Variants in NIPAL3 observed in about 807,000 individuals in gnomAD.
NIPAL3 encodes NIPA like domain containing 3, also known as NIPA-like protein 3.
In NIPAL3, 41 loss-of-function variants were observed where a neutral mutation model predicts 47.2. The ratio of observed to expected loss-of-function variants is 0.87; its 90% CI spans 0.68 to 1.13. NIPAL3 has a LOEUF of 1.13. NIPAL3 is among the 50% of genes most tolerant of loss of function. The probability of loss-of-function intolerance (pLI) is 0.00; values close to 1 mark genes in which losing one functional copy is unlikely to be tolerated. For synonymous variants in NIPAL3, 194 were observed against 209.6 expected, an observed-to-expected ratio of 0.93 and a Z score of 0.64; for missense variants, 449 against 530.1, an observed-to-expected ratio of 0.85 and a Z score of 1.50.
At chr1:24,463,941 C>A in intron 10 of NIPAL3, 85 bp from the exon 11 acceptor site, 1 of 1,202,196 alleles carries the variant, frequency 8.3e-7, no homozygotes, top group Non-Finnish European at 1.2e-6. Context: ...CTTTTTACCT[C>A]TTTCCATCAC....
rs1017491788 is a variant in NIPAL3, at chr1:24,454,958, C to T, written c.638-1180C>T. 1.3e-5 allele frequency: 2 copies of T among 152,206 alleles called. No homozygotes were observed. Among genetic ancestry groups the T allele is most frequent in the Non-Finnish European group, 2.9e-5 (2 of 68,050 alleles). 9.4% of individuals were successfully genotyped at this position (152,206 alleles called of 1,614,324 possible). On this transcript the variant is annotated intron_variant, in intron 7 of 11. Transcript: ENST00000374399. The surrounding 1 kb of genome is among the most constrained non-coding windows in gnomAD (Gnocchi z 4.1). Reference sequence around the variant, plus strand: ...GATCACGGCCCTGAAACATCCTCTCCTCTTACGTAGGAAGGCCAGAAGGTT... The same window carrying T: ...GATCACGGCCCTGAAACATCCTCTCTTCTTACGTAGGAAGGCCAGAAGGTT...
chr1:24,453,336 G>C (rs897817962), intron 6 of NIPAL3, 72 bp from the exon 7 acceptor site: 4 of 1,039,836 alleles, frequency 3.8e-6, no homozygotes, highest in Non-Finnish European at 6.0e-6. Context: ...TGATGGCCCA[G>C]CCCACCAGGG....
rs976000346 is a variant in NIPAL3 at position 24,422,645 on chromosome 1, T to C, written c.93+3005T>C. On this transcript the variant is annotated intron_variant, in intron 2 of 11. Transcript: ENST00000374399. ...CAGATAATCAGCCAGGTGTGGGAAT[T>C]TCTGGACCACATGATCTGCTAAGCT... Among the ~76,000 whole-genome samples, 6 of 152,190 alleles carry C rather than the reference T, an allele frequency of 3.9e-5. 1 individual carries two copies. The highest frequency in any genetic ancestry group is 8.8e-5 in the Non-Finnish European group (6 of 68,042).
In NIPAL3 at chr1:24,449,437, G is replaced by C. The variant is rs188204124; in HGVS notation, c.395-44G>C. The C allele has an allele frequency of 5.5e-5, 88 of 1,607,938 alleles. 1 individual carries two copies. In the African/African-American group the frequency reaches 9.2e-4, roughly 17 times the overall value. ...GCTGAGAACGTGTACTGTATCTTGG[G>C]CCTGTTGTTGCAATGAGTCCGTGAC... On this transcript the variant is annotated intron_variant, in intron 5 of 11. Transcript: ENST00000374399. This position sits in a 1 kb window ranked among gnomAD's most constrained non-coding sequence, Gnocchi z 4.5.
At chr1:24,444,018 CT>C (rs10648122) in intron 4 of NIPAL3, among the ~76,000 whole-genome samples, 41 of 147,972 alleles carry the variant, frequency 2.8e-4, no homozygotes, top group Admixed American at 4.7e-4. Context: ...TAACCAAATT[CT>C]TTTTTTTTTT....
At chr1:24,464,498 C>A (rs1646616231) in intron 11 of NIPAL3, 1 of 155,900 alleles carries the variant, frequency 6.4e-6, no homozygotes, top group African/African-American at 2.4e-5. Flanking sequence ...ATATTATAAT[C>A]TCACTCCCTG....
chr1:24,424,598 A>G (rs1460114596), intron 2 of NIPAL3, among the ~76,000 whole-genome samples: 1 of 152,206 alleles, frequency 6.6e-6, no homozygotes, highest in Non-Finnish European at 1.5e-5. Flanking sequence ...CATTTCAGAG[A>G]AGCTGAGGCA....
intron 1 of NIPAL3, among the ~76,000 whole-genome samples, chr1:24,417,971 T>A (rs1314676381): frequency 6.6e-6 from 1 of 152,130 alleles, no homozygotes; most frequent in Non-Finnish European, 1.5e-5. Context: ...AATAAATAAT[T>A]AAACAGGAGA....
intron 10 of NIPAL3, among the ~76,000 whole-genome samples, chr1:24,461,865 C>CAA (rs527764112): frequency 1.5e-4 from 20 of 131,610 alleles, no homozygotes; most frequent in Admixed American, 3.9e-4. Context: ...AAGTCTGTCT[C>CAA]AAAAAAAAAA....
chr1:24,427,281 G>A (rs1644635846), intron 2 of NIPAL3, among the ~76,000 whole-genome samples: 2 of 152,202 alleles, frequency 1.3e-5, no homozygotes, highest in African/African-American at 4.8e-5. Context: ...GTGCCTCGTA[G>A]GTGTGTGTAC....
At chr1:24,428,302 G>C (rs919010734) in intron 2 of NIPAL3, among the ~76,000 whole-genome samples, 18 of 141,504 alleles carry the variant, frequency 1.3e-4, no homozygotes, top group African/African-American at 4.5e-4. Context: ...GAGAGAGAGA[G>C]ACACCAGAAC....
intron 10 of NIPAL3, among the ~76,000 whole-genome samples, chr1:24,460,803 G>A (rs182261116): frequency 8.0e-4 from 122 of 152,072 alleles, no homozygotes; most frequent in Non-Finnish European, 9.0e-4. Flanking sequence ...ACCTCACCTC[G>A]GATCTAAGAA....
Position 24,470,056 on chromosome 1 carries a change from A to G in NIPAL3, c.*871A>G, listed in dbSNP as rs1275790882. 1 of 152,184 alleles carries G rather than the reference A, an allele frequency of 6.6e-6. No individual in the cohort carries two copies. Among genetic ancestry groups the G allele is most frequent in the Admixed American group, 6.5e-5 (1 of 15,272 alleles). The allele number at this position is 152,184 out of a possible 1,614,324, so 9.4% of individuals were successfully genotyped here. ...TCCTGCATACCAGTGCCCCCTGGAA[A>G]GATGGGGATGCTCATTTCAGAGACA... On this transcript the variant is annotated 3_prime_UTR_variant, in exon 12 of 12. Coordinates refer to ENST00000374399, the MANE Select transcript of NIPAL3 (RefSeq NM_020448.5).
At position 24,416,191 on chromosome 1, in the gene NIPAL3, C is replaced by A; in HGVS notation, c.-258+287C>A. ...CAGAATTTCTCCTCTTCGTGCCGAG[C>A]GGCTCGGGCTTCCTGGCGGCAGCAG... On this transcript the variant is annotated intron_variant, in intron 1 of 11. Coordinates refer to ENST00000374399, the MANE Select transcript of NIPAL3 (RefSeq NM_020448.5). This position sits in a 1 kb window ranked among gnomAD's most constrained non-coding sequence, Gnocchi z 4.8. 1 of 985,660 alleles carries A rather than the reference C, an allele frequency of 1.0e-6. No homozygotes were observed. Among genetic ancestry groups the A allele is most frequent in the Non-Finnish European group, 1.2e-6 (1 of 830,158 alleles). The allele number at this position is 985,660 out of a possible 1,614,324, so 61.1% of individuals were successfully genotyped here.
chr1:24,458,778 A>G (rs552874765), intron 8 of NIPAL3, 110 bp from the exon 9 acceptor site: 166 of 826,378 alleles, frequency 2.0e-4, no homozygotes, highest in Non-Finnish European at 3.3e-4. Flanking sequence ...AACCCAAGGA[A>G]CATTCCTAAA....
upstream of NIPAL3, chr1:24,415,506 C>G (rs530921695): frequency 6.6e-6 from 1 of 152,256 alleles, no homozygotes; most frequent in Non-Finnish European, 1.5e-5. Context: ...AGGCGAGCAA[C>G]CACCTAAGCT....
rs375598229 is a variant in NIPAL3 at position 24,460,432 on chromosome 1, G to A, written c.863-49G>A. 14 of 1,470,470 alleles carry A rather than the reference G, an allele frequency of 9.5e-6. No homozygotes were observed. In the African/African-American group the frequency reaches 2.0e-4, roughly 21 times the overall value. 91.1% of individuals were successfully genotyped at this position (1,470,470 alleles called of 1,614,324 possible). ...CAAATCCTAGACAGACTGGCAGATG[G>A]GTGATTTGAAAACAGCTCAGCGGTA... On this transcript the variant is annotated intron_variant, in intron 9 of 11. Coordinates refer to ENST00000374399, the MANE Select transcript of NIPAL3 (RefSeq NM_020448.5).
intron 2 of NIPAL3, among the ~76,000 whole-genome samples, chr1:24,424,402 C>G (rs1644479020): frequency 6.6e-6 from 1 of 152,126 alleles, no homozygotes; most frequent in African/African-American, 2.4e-5. Flanking sequence ...TGACCATGCA[C>G]TAGGCATGCT....
chr1:24,433,696 G>C (rs186221990), intron 2 of NIPAL3, among the ~76,000 whole-genome samples: 2 of 152,272 alleles, frequency 1.3e-5, no homozygotes, highest in East Asian at 1.9e-4. Context: ...AGACATGGAG[G>C]CTCCAGTTAG....
Sources: allele counts gnomAD v4.1 joint callset (sites outside exome capture counted in the v4.1 genomes callset), GRCh38; gene constraint gnomAD v4.1.1; non-coding constraint Gnocchi (gnomAD v3.1); transcripts MANE v1.5; gene names NCBI Gene and HGNC (gene_info 2026-07-23, HGNC 2026-07-21).